Variants in FGD6 observed in about 807,000 individuals in gnomAD.
The protein encoded by FGD6 is FYVE, RhoGEF and PH domain-containing protein 6.
FGD6 carries 90 observed loss-of-function variants against 149.4 expected under a neutral mutation model. That is an observed-to-expected ratio of 0.60 (90% CI 0.51 to 0.72). The LOEUF (loss-of-function observed/expected upper bound fraction) is 0.72, where lower values mean the gene tolerates loss of function less well. FGD6 is among the 30% of genes least tolerant of loss of function. The pLI is 0.00. For synonymous variants in FGD6, 527 were observed against 584.0 expected (o/e 0.90, Z 1.41); for missense variants, 1,437 against 1,684.8 (o/e 0.85, Z 2.57).
intron 2 of FGD6, among the ~76,000 whole-genome samples, chr12:95,199,615 T>C (rs1431558046): frequency 3.9e-5 from 2 of 50,848 alleles, no homozygotes; most frequent in African/African-American, 1.4e-4. Context: ...AAAAGCTACC[T>C]TTTTTTTTTT....
At chr12:95,197,915 C>G (rs1365526454) in intron 2 of FGD6, among the ~76,000 whole-genome samples, 1 of 152,162 alleles carries the variant, frequency 6.6e-6, no homozygotes, top group Non-Finnish European at 1.5e-5. Flanking sequence ...AATTCAGTTT[C>G]CAACCTTTGA....
intron 14 of FGD6, among the ~76,000 whole-genome samples, chr12:95,104,588 C>T (rs985130662): frequency 6.6e-6 from 1 of 151,984 alleles, no homozygotes; most frequent in African/African-American, 2.4e-5. Context: ...AGGTGCCTGC[C>T]ACCATACTTG....
At chr12:95,123,339 T>C (rs1357986914) in intron 8 of FGD6, among the ~76,000 whole-genome samples, 2 of 152,046 alleles carry the variant, frequency 1.3e-5, no homozygotes, top group Non-Finnish European at 2.9e-5. Flanking sequence ...CCAAGAATTA[T>C]GTAAGGAAGC....
chr12:95,217,244 T>C lies in FGD6; in HGVS notation c.-4A>G, dbSNP rs751126172. 2.5e-6 allele frequency: 4 copies of C among 1,611,558 alleles called. No individual in the cohort carries two copies. Among genetic ancestry groups the C allele is most frequent in the Non-Finnish European group, 3.4e-6 (4 of 1,178,344 alleles). ...ACTTACCGGCTGCAGAAGTCATGAT[T>C]CCCCGGTGCAGCTCGCTTCCCCGCT... On this transcript the variant is annotated 5_prime_UTR_variant, in exon 1 of 21. Transcript: ENST00000343958.
At chr12:95,096,797 A>G (rs1163409457) in intron 14 of FGD6, among the ~76,000 whole-genome samples, 8 of 152,184 alleles carry the variant, frequency 5.3e-5, no homozygotes, top group Admixed American at 5.2e-4. Flanking sequence ...TAAGGACTGG[A>G]CCTCTCACCA....
At chr12:95,151,524 T>G (rs1880308890) in intron 5 of FGD6, among the ~76,000 whole-genome samples, 1 of 152,148 alleles carries the variant, frequency 6.6e-6, no homozygotes, top group African/African-American at 2.4e-5. Context: ...CGCTTCAGCC[T>G]CCCACAGTGC....
chr12:95,141,577 A>C, intron 5 of FGD6, 38 bp from the exon 6 acceptor site: 5 of 1,597,656 alleles, frequency 3.1e-6, no homozygotes, highest in Non-Finnish European at 4.3e-6. Flanking sequence ...ATACACACAC[A>C]TGTAACTTGA....
intron 17 of FGD6, among the ~76,000 whole-genome samples, chr12:95,090,186 T>G (rs1878007594): frequency 6.6e-6 from 1 of 151,918 alleles, no homozygotes; most frequent in Non-Finnish European, 1.5e-5. Context: ...AAGTAGGAAT[T>G]TGCCAGGTTA....
At chr12:95,139,037 T>C (rs2136261385) in intron 6 of FGD6, among the ~76,000 whole-genome samples, 1 of 152,334 alleles carries the variant, frequency 6.6e-6, no homozygotes, top group South Asian at 2.1e-4. Flanking sequence ...GAAAATAAAA[T>C]ATTTCATCAA....
chr12:95,134,868 G>A (rs1447621863), intron 7 of FGD6, 42 bp from the exon 8 acceptor site: 3 of 1,527,038 alleles, frequency 2.0e-6, no homozygotes, highest in Non-Finnish European at 2.7e-6. Context: ...TGTTTTCTAA[G>A]AAGCAAGGGA....
intron 2 of FGD6, among the ~76,000 whole-genome samples, chr12:95,184,229 G>A (rs1881362227): frequency 6.6e-6 from 1 of 152,148 alleles, no homozygotes; most frequent in Non-Finnish European, 1.5e-5. Flanking sequence ...CTATTTAAGT[G>A]TATCAGTTTC....
chr12:95,149,236 T>G (rs12369803), intron 5 of FGD6, among the ~76,000 whole-genome samples: 1 of 34,628 alleles, frequency 2.9e-5, no homozygotes, highest in African/African-American at 1.6e-4. Flanking sequence ...GCATATATAT[T>G]ATATAATATA....
At chr12:95,168,251 G>T (rs1230012232) in intron 3 of FGD6, among the ~76,000 whole-genome samples, 1 of 152,072 alleles carries the variant, frequency 6.6e-6, no homozygotes, top group Non-Finnish European at 1.5e-5. Flanking sequence ...ATGTAAATAA[G>T]TTTCATATTT....
At chr12:95,201,083 GAATA>G (rs1327913957) in intron 2 of FGD6, among the ~76,000 whole-genome samples, 1 of 151,362 alleles carries the variant, frequency 6.6e-6, no homozygotes, top group Non-Finnish European at 1.5e-5. Flanking sequence ...GCGATTCCAG[GAATA>G]GATAATGAAT....
chr12:95,109,588 C>T (rs1041490135), intron 9 of FGD6, among the ~76,000 whole-genome samples: 2 of 151,844 alleles, frequency 1.3e-5, no homozygotes, highest in Admixed American at 6.6e-5. Flanking sequence ...AGTGGCTGGG[C>T]GCGGTGGCTC....
At chr12:95,164,661 C>G (rs985937632) in intron 3 of FGD6, among the ~76,000 whole-genome samples, 1 of 152,212 alleles carries the variant, frequency 6.6e-6, no homozygotes, top group Admixed American at 6.6e-5. Context: ...GAACTTCTGA[C>G]CTCAAGTGAT....
intron 8 of FGD6, among the ~76,000 whole-genome samples, chr12:95,120,924 CT>C (rs921289168): frequency 5.3e-5 from 8 of 151,842 alleles, no homozygotes; most frequent in African/African-American, 1.7e-4. Context: ...ATTATGTGCT[CT>C]TTTTTTCTAA....
chr12:95,188,954 T>C (rs1881518222), intron 2 of FGD6, among the ~76,000 whole-genome samples: 1 of 152,142 alleles, frequency 6.6e-6, no homozygotes, highest in Non-Finnish European at 1.5e-5. Flanking sequence ...ATTACAGCAA[T>C]AGTTTTTGGT....
intron 2 of FGD6, among the ~76,000 whole-genome samples, chr12:95,173,324 G>C (rs1344978873): frequency 1.3e-5 from 2 of 152,176 alleles, no homozygotes; most frequent in Non-Finnish European, 2.9e-5. Context: ...CTCAAGACCT[G>C]CTGCATTAGA....
Sources: gnomAD v4.1 joint callset for allele counts (sites outside exome capture counted in the v4.1 genomes callset) on GRCh38, gnomAD v4.1.1 for gene constraint, MANE v1.5 for transcripts, NCBI Gene and HGNC (gene_info 2026-07-23, HGNC 2026-07-21) for gene names.